Variants in DOCK4 observed in about 807,000 individuals in gnomAD.
DOCK4 encodes the protein dedicator of cytokinesis 4.
DOCK4 carries 97 observed loss-of-function variants against 268.1 expected under a neutral mutation model. The ratio of observed to expected loss-of-function variants is 0.36; its 90% CI spans 0.31 to 0.43. The LOEUF (loss-of-function observed/expected upper bound fraction) is 0.43, where lower values mean the gene tolerates loss of function less well. DOCK4 is among the 20% of genes least tolerant of loss of function. The pLI, the probability that DOCK4 is intolerant of heterozygous loss-of-function variation, is 1.00. For missense variants in DOCK4, 2,145 were observed against 2,455.7 expected (o/e 0.87, Z 2.67); for synonymous variants, 954 against 887.2 (o/e 1.08, Z -1.34).
intron 7 of DOCK4, among the ~76,000 whole-genome samples, chr7:111,982,457 A>G (rs1798678677): frequency 6.6e-6 from 1 of 152,250 alleles, no homozygotes; most frequent in Non-Finnish European, 1.5e-5. Context: ...GAAAGGAATG[A>G]AAACTGACTA....
intron 8 of DOCK4, among the ~76,000 whole-genome samples, chr7:111,954,215 A>G (rs1416103913): frequency 6.6e-6 from 1 of 152,196 alleles, no homozygotes; most frequent in Non-Finnish European, 1.5e-5. Flanking sequence ...TCTCGCCTAG[A>G]ATAACAAAGG....
intron 35 of DOCK4, among the ~76,000 whole-genome samples, chr7:111,779,772 T>A (rs903284049): frequency 6.6e-6 from 1 of 152,116 alleles, no homozygotes; most frequent in Admixed American, 6.6e-5. Flanking sequence ...AGCACATGAG[T>A]CCTCACTGAA....
intron 26 of DOCK4, among the ~76,000 whole-genome samples, chr7:111,831,716 G>A (rs1802824938): frequency 6.6e-6 from 1 of 151,952 alleles, no homozygotes; most frequent in Non-Finnish European, 1.5e-5. Context: ...CTAACTCCTG[G>A]GCTCAAGTGA....
intron 1 of DOCK4, among the ~76,000 whole-genome samples, chr7:112,139,676 A>G (rs1814706296): frequency 6.6e-6 from 1 of 152,238 alleles, no homozygotes; most frequent in Admixed American, 6.5e-5. Context: ...GATAATTAAG[A>G]GTTTTCCTAA....
At chr7:111,842,024 G>T (rs1803736389) in intron 25 of DOCK4, among the ~76,000 whole-genome samples, 1 of 152,206 alleles carries the variant, frequency 6.6e-6, no homozygotes, top group Non-Finnish European at 1.5e-5. Flanking sequence ...AACTATGTAA[G>T]TTATATTGCC....
At chr7:111,824,226 C>T (rs1229459104) in intron 26 of DOCK4, among the ~76,000 whole-genome samples, 4 of 152,050 alleles carry the variant, frequency 2.6e-5, no homozygotes, top group Non-Finnish European at 1.5e-5. Flanking sequence ...CTGTGAGAAG[C>T]CCTTTCTAAT....
intron 52 of DOCK4, among the ~76,000 whole-genome samples, chr7:111,731,407 T>A (rs1018638015): frequency 6.6e-6 from 1 of 152,208 alleles, no homozygotes; most frequent in Non-Finnish European, 1.5e-5. Context: ...ACAAAGGACA[T>A]GGAGCGTGTA....
intron 1 of DOCK4, among the ~76,000 whole-genome samples, chr7:112,127,239 G>A (rs548408960): frequency 4.3e-4 from 66 of 152,044 alleles, no homozygotes; most frequent in African/African-American, 1.6e-3. Context: ...CATAAAAAAT[G>A]ATGAGTTCAT....
chr7:112,109,600 T>C (rs1811445481), intron 1 of DOCK4, among the ~76,000 whole-genome samples: 1 of 152,242 alleles, frequency 6.6e-6, no homozygotes, highest in Non-Finnish European at 1.5e-5. Context: ...TCAGCGATAG[T>C]GTGCCCCTGC....
At chr7:111,943,176 T>C (rs182613187) in intron 10 of DOCK4, among the ~76,000 whole-genome samples, 137 of 152,288 alleles carry the variant, frequency 9.0e-4, no homozygotes, top group Non-Finnish European at 1.6e-3. Flanking sequence ...AAGACAAAGA[T>C]AGGGAGGTAA....
chr7:111,943,584 T>A (rs908227388), intron 10 of DOCK4, among the ~76,000 whole-genome samples: 1 of 152,248 alleles, frequency 6.6e-6, no homozygotes, highest in African/African-American at 2.4e-5. Flanking sequence ...ACCTCTGCCA[T>A]CCTGAGAACA....
chr7:111,870,949 G>A (rs1044646122), intron 20 of DOCK4, among the ~76,000 whole-genome samples: 2 of 152,102 alleles, frequency 1.3e-5, no homozygotes, highest in Non-Finnish European at 2.9e-5. Context: ...CTATTCCTGC[G>A]GTTGCATTTC....
chr7:112,055,515 C>T (rs1037225625), intron 1 of DOCK4, among the ~76,000 whole-genome samples: 1 of 152,120 alleles, frequency 6.6e-6, no homozygotes, highest in African/African-American at 2.4e-5. Context: ...AGCTGAGAAT[C>T]GACTTTTTTT....
At chr7:112,111,357 T>C (rs1811635561) in intron 1 of DOCK4, among the ~76,000 whole-genome samples, 1 of 152,072 alleles carries the variant, frequency 6.6e-6, no homozygotes, top group Non-Finnish European at 1.5e-5. Context: ...TTCTCATTAT[T>C]TCTGCCTTCT....
chr7:112,168,237 A>G (rs1370841380), intron 1 of DOCK4, among the ~76,000 whole-genome samples: 1 of 152,234 alleles, frequency 6.6e-6, no homozygotes, highest in African/African-American at 2.4e-5. Flanking sequence ...ATGTTGCATG[A>G]TTCAAATGTC....
chr7:111,802,984 G>A (rs1014831345), intron 30 of DOCK4, among the ~76,000 whole-genome samples: 1 of 152,034 alleles, frequency 6.6e-6, no homozygotes, highest in East Asian at 1.9e-4. Flanking sequence ...GAACCCTAAT[G>A]CCTTTATCAC....
rs531986343 is a variant in DOCK4, at chr7:111,739,137, C to A, written c.5229G>T (p.Ser1743=). 1 of 1,610,878 alleles carries A rather than the reference C, an allele frequency of 6.2e-7. No individual in the cohort carries two copies. Among genetic ancestry groups the A allele is most frequent in the Non-Finnish European group, 8.5e-7 (1 of 1,177,286 alleles). Residue 1743 remains serine (S), a synonymous_variant, in exon 49 of 53, where the codon TCG becomes TCT. Transcript: ENST00000428084. ...SAIYPTPVEP[S]QRMLFNHIGD... is the part of the protein sequence containing the mutation. Reference sequence around the variant, plus strand: ...TTCTCTACCCTACAAGGAGTACCTGCGAAGGCTCCACAGGTGTTGGATAGA... The same window carrying A: ...TTCTCTACCCTACAAGGAGTACCTGAGAAGGCTCCACAGGTGTTGGATAGA...
Position 112,206,298 on chromosome 7 carries a change from C to G in DOCK4, c.-160G>C, listed in dbSNP as rs955496036. 1.4e-5 allele frequency: 10 copies of G among 740,646 alleles called. No individual in the cohort carries two copies. In the African/African-American group the frequency reaches 1.5e-4, roughly 11 times the overall value. 45.9% of individuals were successfully genotyped at this position (740,646 alleles called of 1,614,324 possible). ...GGATCTGCGCTGGAGGCTCCCGAGC[C>G]CAGCGTTGACACTGCGCCGCCCGCA... On this transcript the variant is annotated 5_prime_UTR_variant, in exon 1 of 53. Transcript: ENST00000428084.
At chr7:111,737,119 AG>A (rs776151471) in intron 49 of DOCK4, 130 bp from the exon 50 acceptor site, 22 of 688,424 alleles carry the variant, frequency 3.2e-5, no homozygotes, top group Non-Finnish European at 5.3e-5. Flanking sequence ...TGATGAGCCT[AG>A]GAACAAATAA....
Sources: allele counts gnomAD v4.1 joint callset (sites outside exome capture counted in the v4.1 genomes callset), GRCh38; gene constraint gnomAD v4.1.1; transcripts MANE v1.5; gene names NCBI Gene and HGNC (gene_info 2026-07-23, HGNC 2026-07-21).